AFF3: variants seen among roughly 807,000 people sequenced by gnomAD.
AFF3 encodes the protein AF4/FMR2 family member 3.
In AFF3, 32 loss-of-function variants were observed where a neutral mutation model predicts 129.7. The ratio of observed to expected loss-of-function variants is 0.25; its 90% confidence interval spans 0.19 to 0.33. The LOEUF (loss-of-function observed/expected upper bound fraction) is 0.33, where lower values mean the gene tolerates loss of function less well. Among genes scored for constraint, AFF3 ranks in the 10% least tolerant of loss-of-function variants. AFF3 has a pLI of 1.00. For synonymous variants in AFF3, 644 were observed against 635.4 expected, an observed-to-expected ratio of 1.01 and a Z score of -0.20; for missense variants, 1,373 against 1,592.0, an observed-to-expected ratio of 0.86 and a Z score of 2.34.
In AFF3 at chr2:99,857,089, T is replaced by C. The variant is rs150867559; in HGVS notation, c.874-19565A>G. On this transcript the variant is annotated intron_variant, in intron 7 of 24. Transcript: ENST00000672756. ...TTATCTTTACTTTTTACTAAACTAT[T>C]TGCATAGGTACATAGGTTTCAAGAA... is the stretch of plus-strand genomic sequence containing the variant. Among the ~76,000 whole-genome samples, 477 of 152,258 alleles carry C rather than the reference T, an allele frequency of 3.1e-3. 4 individuals carry two copies. Among genetic ancestry groups the C allele is most frequent in the African/African-American group, 0.011 (461 of 41,534 alleles).
chr2:99,877,218 C>T (rs1031692340), intron 7 of AFF3, among the ~76,000 whole-genome samples: 4 of 152,164 alleles, frequency 2.6e-5, no homozygotes, highest in African/African-American at 9.7e-5. Flanking sequence ...AAGATGCCCT[C>T]TCAGTTTCTG....
chr2:99,641,495 T>C (rs971830768), intron 13 of AFF3, among the ~76,000 whole-genome samples: 1 of 152,072 alleles, frequency 6.6e-6, no homozygotes, highest in Non-Finnish European at 1.5e-5. Context: ...CTGGCCAACA[T>C]GGTGAAACCC....
rs70940180 is a variant in AFF3 at position 99,618,224 on chromosome 2, CTTTTTTTTTTT to C, written c.1185-16614_1185-16604del. On this transcript the variant is annotated intron_variant, in intron 13 of 24. Transcript: ENST00000672756. Reference sequence around the variant, plus strand: ...TAGATGAGAAAATGCTCATAACATTCTTTTTTTTTTTTTTTTTTTTTTTTTTTTTGAGACAG... The same window carrying C: ...TAGATGAGAAAATGCTCATAACATTCTTTTTTTTTTTTTTTTTTGAGACAG... Among the ~76,000 whole-genome samples, 21 of 80,080 alleles carry C rather than the reference CTTTTTTTTTTT, an allele frequency of 2.6e-4. 1 individual carries two copies. The East Asian group carries it at 3.0e-3, about 11-fold the overall frequency. 52.5% of individuals were successfully genotyped at this position (80,080 alleles called of 152,430 possible).
At chr2:99,817,578 A>G (rs535375329) in intron 8 of AFF3, among the ~76,000 whole-genome samples, 2 of 152,138 alleles carry the variant, frequency 1.3e-5, no homozygotes, top group South Asian at 4.2e-4. Flanking sequence ...TTAGAGATGG[A>G]GTCTTACTAT....
At chr2:100,135,729 C>G (rs572403069) in intron 1 of AFF3, among the ~76,000 whole-genome samples, 1 of 152,286 alleles carries the variant, frequency 6.6e-6, no homozygotes, top group Admixed American at 6.5e-5. Flanking sequence ...AATAGGGACC[C>G]ATAGGAGAGT....
At chr2:99,554,094 G>A (rs1429367297) in intron 24 of AFF3, among the ~76,000 whole-genome samples, 1 of 152,168 alleles carries the variant, frequency 6.6e-6, no homozygotes, top group Non-Finnish European at 1.5e-5. Context: ...AGGATACTTT[G>A]TGACTGTATA....
At chr2:100,136,991 T>A (rs1692664583) in intron 1 of AFF3, among the ~76,000 whole-genome samples, 3 of 152,200 alleles carry the variant, frequency 2.0e-5, no homozygotes, top group Non-Finnish European at 2.9e-5. Context: ...GCATCCCATT[T>A]CCCCATTGCA....
chr2:99,909,946 C>T (rs1006080439), intron 7 of AFF3, among the ~76,000 whole-genome samples: 2 of 152,116 alleles, frequency 1.3e-5, no homozygotes, highest in Non-Finnish European at 2.9e-5. Context: ...TGTTGAAGTC[C>T]TAACCCCAGT....
At chr2:99,878,179 G>A (rs1576256543) in intron 7 of AFF3, among the ~76,000 whole-genome samples, 1 of 152,274 alleles carries the variant, frequency 6.6e-6, no homozygotes, top group Non-Finnish European at 1.5e-5. Context: ...GCCTAACCTC[G>A]ATGGCAATAT....
intron 2 of AFF3, chr2:100,107,423 G>T: frequency 1.0e-6 from 1 of 985,192 alleles, no homozygotes; most frequent in Non-Finnish European, 1.2e-6. Context: ...TGGACTTTTG[G>T]GGATTAGAAT....
At chr2:100,130,939 C>T (rs1450502019) in intron 1 of AFF3, among the ~76,000 whole-genome samples, 2 of 152,164 alleles carry the variant, frequency 1.3e-5, no homozygotes, top group African/African-American at 4.8e-5. Flanking sequence ...AATATAACTG[C>T]AGGCCAGACA....
At chr2:99,848,632 T>C (rs1347250783) in intron 7 of AFF3, among the ~76,000 whole-genome samples, 1 of 152,210 alleles carries the variant, frequency 6.6e-6, no homozygotes, top group Non-Finnish European at 1.5e-5. Context: ...CAAGATGATG[T>C]TGGAACAATC....
chr2:99,744,244 G>T, intron 9 of AFF3, 104 bp from the exon 10 acceptor site: 1 of 931,392 alleles, frequency 1.1e-6, no homozygotes, highest in Non-Finnish European at 1.7e-6. Context: ...CCGATTCATT[G>T]CTCTCAATCT....
chr2:99,692,194 C>T (rs1002948553), intron 11 of AFF3, among the ~76,000 whole-genome samples: 2 of 152,170 alleles, frequency 1.3e-5, no homozygotes, highest in Non-Finnish European at 2.9e-5. Flanking sequence ...TCCTCCTGCC[C>T]AAATCCAGAG....
At chr2:99,958,470 GCAA>G (rs1455612550) in intron 7 of AFF3, among the ~76,000 whole-genome samples, 28 of 146,326 alleles carry the variant, frequency 1.9e-4, no homozygotes, top group Non-Finnish European at 3.4e-4. Context: ...GGGTGACAGA[GCAA>G]GACTCTGTCT....
At chr2:99,705,262 G>GA (rs1677246913) in intron 11 of AFF3, among the ~76,000 whole-genome samples, 1 of 152,178 alleles carries the variant, frequency 6.6e-6, no homozygotes, top group African/African-American at 2.4e-5. Context: ...TGGGAAAGGA[G>GA]AGAGTGCTCA....
At chr2:99,897,419 G>A (rs1694056237) in intron 7 of AFF3, among the ~76,000 whole-genome samples, 2 of 152,030 alleles carry the variant, frequency 1.3e-5, no homozygotes, top group African/African-American at 4.8e-5. Context: ...GAGTCACACG[G>A]ACTGTGGCTA....
intron 13 of AFF3, among the ~76,000 whole-genome samples, chr2:99,608,006 G>C (rs766479617): frequency 2.6e-5 from 4 of 152,070 alleles, no homozygotes; most frequent in African/African-American, 4.8e-5. Context: ...CTTCTATCCT[G>C]AAATGTAATT....
intron 8 of AFF3, among the ~76,000 whole-genome samples, chr2:99,816,635 A>G (rs1687257456): frequency 6.6e-6 from 1 of 151,876 alleles, no homozygotes; most frequent in African/African-American, 2.4e-5. Flanking sequence ...GTTGTATTCC[A>G]CTGTTATTCT....
Sources: gnomAD v4.1 joint callset for allele counts (sites outside exome capture counted in the v4.1 genomes callset) on GRCh38, gnomAD v4.1.1 for gene constraint, MANE v1.5 for transcripts, NCBI Gene and HGNC (gene_info 2026-07-23, HGNC 2026-07-21) for gene names.